Variants in HDAC4 observed in about 807,000 individuals in gnomAD.
HDAC4 encodes histone deacetylase A.
In HDAC4, 16 loss-of-function variants were observed where a neutral mutation model predicts 135.1. The ratio of observed to expected loss-of-function variants is 0.12; its 90% CI spans 0.08 to 0.18. HDAC4 has a LOEUF of 0.18. Among genes scored for constraint, HDAC4 ranks in the 10% least tolerant of loss-of-function variants. HDAC4 has a pLI of 1.00. For missense variants in HDAC4, 1,143 were observed against 1,511.8 expected (o/e 0.76, Z 4.05); for synonymous variants, 685 against 653.4 (o/e 1.05, Z -0.74).
intron 8 of HDAC4, among the ~76,000 whole-genome samples, chr2:239,144,334 C>T (rs1238128068): frequency 6.6e-6 from 1 of 152,140 alleles, no homozygotes; most frequent in Admixed American, 6.5e-5. Flanking sequence ...CCCTTGTGCA[C>T]CTCAGCCCAC....
At chr2:239,137,374 C>T (rs1481512634) in intron 9 of HDAC4, among the ~76,000 whole-genome samples, 1 of 152,188 alleles carries the variant, frequency 6.6e-6, no homozygotes, top group Non-Finnish European at 1.5e-5. Context: ...TCCCCTTACG[C>T]ACCTGGGCGA....
chr2:239,155,775 G>A (rs974079596), intron 7 of HDAC4, among the ~76,000 whole-genome samples: 14 of 152,126 alleles, frequency 9.2e-5, no homozygotes, highest in African/African-American at 3.4e-4. Flanking sequence ...TCCAAGAGCC[G>A]CCCCCTAGGG....
At chr2:239,078,530 C>G (rs1313119159) in intron 22 of HDAC4, among the ~76,000 whole-genome samples, 1 of 151,340 alleles carries the variant, frequency 6.6e-6, no homozygotes, top group Non-Finnish European at 1.5e-5. Flanking sequence ...ACATTAAAAT[C>G]AATAAAAAAA....
intron 2 of HDAC4, among the ~76,000 whole-genome samples, chr2:239,238,233 T>A (rs2047997043): frequency 6.6e-6 from 1 of 152,158 alleles, no homozygotes; most frequent in Admixed American, 6.5e-5. Flanking sequence ...TATTCATTTT[T>A]ATAATAAATA....
rs917390702 is a variant in HDAC4 at position 239,349,527 on chromosome 2, CTA to C, written c.22+3149_22+3150del. Among the ~76,000 whole-genome samples the C allele has an allele frequency of 6.6e-6, 1 of 152,222 alleles. No homozygotes were observed. The highest frequency in any genetic ancestry group is 2.4e-5 in the African/African-American group (1 of 41,466). ...AGAAACACAGAGGAACTTCCCGAAA[CTA>C]GAGATCTCTGGGGATGGAGCTGCTT... is the stretch of plus-strand genomic sequence containing the variant. On this transcript the variant is annotated intron_variant, in intron 2 of 26. Coordinates refer to ENST00000543185, the MANE Select transcript of HDAC4 (RefSeq NM_001378414.1). The surrounding 1 kb of genome is among the most constrained non-coding windows in gnomAD (Gnocchi z 5.7).
Position 239,349,755 on chromosome 2 carries a change from T to A in HDAC4, c.22+2923A>T, listed in dbSNP as rs903742275. ...GAAGGGCAGACACGGCAGGGAAAGA[T>A]GACAGCGGACAGGGCAGAGGAGGCA... On this transcript the variant is annotated intron_variant, in intron 2 of 26. Coordinates refer to ENST00000543185, the MANE Select transcript of HDAC4 (RefSeq NM_001378414.1). The surrounding 1 kb of genome is among the most constrained non-coding windows in gnomAD (Gnocchi z 5.7). Among the ~76,000 whole-genome samples the A allele has an allele frequency of 1.3e-5, 2 of 152,130 alleles. No individual in the cohort carries two copies. Among genetic ancestry groups the A allele is most frequent in the African/African-American group, 2.4e-5 (1 of 41,424 alleles).
Position 239,352,959 on chromosome 2 carries a change from T to C in HDAC4, c.-219-41A>G, listed in dbSNP as rs1559380042. The C allele has an allele frequency of 7.8e-6, 4 of 512,508 alleles. No individual in the cohort carries two copies. The highest frequency in any genetic ancestry group is 1.4e-5 in the Non-Finnish European group (4 of 283,104). The allele number at this position is 512,508 out of a possible 1,614,324, so 31.7% of individuals were successfully genotyped here. A position where few individuals can be genotyped will look rare whatever the true frequency, so the allele number is the denominator to read the frequency against. On this transcript the variant is annotated intron_variant, in intron 1 of 26. Transcript: ENST00000543185. This position sits in a 1 kb window ranked among gnomAD's most constrained non-coding sequence, Gnocchi z 4.4. ...GAGAAAAGAGACTGGAGTTACAACA[T>C]GGAAGTTCCGATCTGGAAAACAACA...
rs555609284 is a variant in HDAC4 at position 239,221,086 on chromosome 2, C to T, written c.94+15507G>A. Among the ~76,000 whole-genome samples the T allele has an allele frequency of 1.9e-4, 29 of 152,354 alleles. No individual in the cohort carries two copies. In the South Asian group the frequency reaches 5.4e-3, roughly 28 times the overall value. ...GCTGAGTGAGGCACAGAGGCCTCAC[C>T]GCCCTGTCTCTCTTTACCTTCCCCG... On this transcript the variant is annotated intron_variant, in intron 3 of 26. Transcript: ENST00000543185.
At chr2:239,391,934 C>T (rs1469626745) in intron 1 of HDAC4, among the ~76,000 whole-genome samples, 2 of 152,130 alleles carry the variant, frequency 1.3e-5, no homozygotes, top group Admixed American at 6.5e-5. Flanking sequence ...GAAGCTGGCA[C>T]GCTGACATGG....
chr2:239,152,504 G>A (rs997847430), intron 7 of HDAC4, among the ~76,000 whole-genome samples: 10 of 152,332 alleles, frequency 6.6e-5, no homozygotes, highest in Admixed American at 2.0e-4. Flanking sequence ...GGAAAGGGGC[G>A]GGGCCTCTGG....
At chr2:239,064,659 C>T (rs1444137830) in intron 24 of HDAC4, among the ~76,000 whole-genome samples, 4 of 152,194 alleles carry the variant, frequency 2.6e-5, no homozygotes, top group Admixed American at 6.5e-5. Flanking sequence ...AGTTACCAAC[C>T]GTTTGGAAAG....
chr2:239,332,771 A>G, intron 2 of HDAC4, among the ~76,000 whole-genome samples: 1 of 152,016 alleles, frequency 6.6e-6, no homozygotes, highest in East Asian at 1.9e-4. Context: ...AAAAATCAAG[A>G]AAACCAAACA....
At chr2:239,297,576 A>T (rs1256103562) in intron 2 of HDAC4, among the ~76,000 whole-genome samples, 1 of 152,220 alleles carries the variant, frequency 6.6e-6, no homozygotes, top group African/African-American at 2.4e-5. Context: ...AATCCAAAGC[A>T]GGACATGAGA....
At chr2:239,281,017 C>A (rs1218383019) in intron 2 of HDAC4, among the ~76,000 whole-genome samples, 1 of 125,534 alleles carries the variant, frequency 8.0e-6, no homozygotes, top group African/African-American at 3.1e-5. Flanking sequence ...TCTCAATGTA[C>A]ACACCACTCT....
At chr2:239,210,244 G>A (rs1434159794) in intron 3 of HDAC4, among the ~76,000 whole-genome samples, 1 of 152,112 alleles carries the variant, frequency 6.6e-6, no homozygotes, top group African/African-American at 2.4e-5. Context: ...ATTGTATCTG[G>A]CATGAAAGTG....
At chr2:239,081,360 G>A (rs1395159549) in intron 21 of HDAC4, among the ~76,000 whole-genome samples, 168 bp from the exon 22 acceptor site, 1 of 152,140 alleles carries the variant, frequency 6.6e-6, no homozygotes, top group African/African-American at 2.4e-5. Context: ...CGTGTGAAGG[G>A]GCCCCACTGA....
intron 7 of HDAC4, among the ~76,000 whole-genome samples, chr2:239,152,573 G>T (rs147337819): frequency 6.6e-6 from 1 of 152,352 alleles, no homozygotes; most frequent in African/African-American, 2.4e-5. Flanking sequence ...GCCCAGCGGT[G>T]GAGGCTCCTC....
chr2:239,163,387 G>C (rs1299589005), intron 6 of HDAC4, among the ~76,000 whole-genome samples: 1 of 152,204 alleles, frequency 6.6e-6, no homozygotes, highest in Non-Finnish European at 1.5e-5. Context: ...GCACTGCTCG[G>C]TCCCTCTGCA....
chr2:239,164,095 TG>T, intron 5 of HDAC4, among the ~76,000 whole-genome samples, 172 bp from the exon 6 acceptor site: 1 of 152,324 alleles, frequency 6.6e-6, no homozygotes, highest in African/African-American at 2.4e-5. Context: ...GGGGTTTTAA[TG>T]AGAGGTTTTC....
Sources: allele counts gnomAD v4.1 joint callset (sites outside exome capture counted in the v4.1 genomes callset), GRCh38; gene constraint gnomAD v4.1.1; non-coding constraint Gnocchi (gnomAD v3.1); transcripts MANE v1.5; gene names NCBI Gene and HGNC (gene_info 2026-07-23, HGNC 2026-07-21).